Variants in ACCSL observed in about 807,000 individuals in gnomAD.
ACCSL encodes the protein 1-aminocyclopropane-1-carboxylate synthase homolog (inactive) like, also known as probable inactive 1-aminocyclopropane-1-carboxylate synthase-like protein 2.
ACCSL carries 55 observed loss-of-function variants against 61.7 expected under a neutral mutation model. The observed-to-expected ratio is 0.89, with a 90% confidence interval of 0.72 to 1.12. The LOEUF is 1.12. Among genes scored for constraint, ACCSL ranks in the 50% most tolerant of loss-of-function variants. The probability of loss-of-function intolerance (pLI) is 0.00; values close to 1 mark genes in which losing one functional copy is unlikely to be tolerated. For missense variants in ACCSL, 632 were observed against 698.0 expected (o/e 0.91, Z 1.07); for synonymous variants, 258 against 264.3 (o/e 0.98, Z 0.23).
At chr11:43,952,898 C>T in the ACCSL span, among the ~76,000 whole-genome samples, 38 of 152,296 alleles carry the variant, frequency 2.5e-4, no homozygotes, top group African/African-American at 7.0e-4. Context: ...CTCCCAGAAC[C>T]GGGTTGGCCA....
chr11:44,055,935 C>G (rs1952668150), intron 9 of ACCSL, 105 bp from the exon 10 acceptor site: 1 of 1,329,888 alleles, frequency 7.5e-7, no homozygotes, highest in Non-Finnish European at 1.1e-6. Flanking sequence ...CCCTATAGGC[C>G]CTTCTGTCTA....
the ACCSL span, among the ~76,000 whole-genome samples, chr11:43,950,318 C>T: frequency 2.0e-5 from 3 of 152,228 alleles, no homozygotes; most frequent in Non-Finnish European, 4.4e-5. Context: ...ACGGGCATGT[C>T]CTTAACCTTG....
At chr11:44,039,229 A>C in the ACCSL span, among the ~76,000 whole-genome samples, 2 of 152,116 alleles carry the variant, frequency 1.3e-5, no homozygotes, top group African/African-American at 4.8e-5. Context: ...TGCTTCCTTT[A>C]GGTGTGGAAT....
chr11:44,053,434 T>C lies in ACCSL; in HGVS notation c.977T>C (p.Ile326Thr), dbSNP rs1952652054. 6.2e-7 allele frequency: 1 copy of C among 1,614,082 alleles called. No individual in the cohort carries two copies. The highest frequency in any genetic ancestry group is 8.5e-7 in the Non-Finnish European group (1 of 1,180,046). Residue 326 changes from isoleucine (I) to threonine (T), a missense_variant, in exon 8 of 14, where the codon ATC becomes ACC. Ile to Thr is a moderately conservative substitution (Grantham distance 89). Transcript: ENST00000378832. ...AAAAAGGTCCGAGGCCTTGTGCTAA[T>C]CAACCCTCAGAATCCTCTGGGTGAC... ...EGKKVRGLVLINPQNPLGDIY... is the reference protein window; with the variant it reads ...EGKKVRGLVLTNPQNPLGDIY...
At chr11:43,957,790 T>C in the ACCSL span, among the ~76,000 whole-genome samples, 1 of 152,242 alleles carries the variant, frequency 6.6e-6, no homozygotes, top group African/African-American at 2.4e-5. Context: ...TGCTGGTCAG[T>C]TGTGCCTAAG....
chr11:44,034,267 G>A, the ACCSL span, among the ~76,000 whole-genome samples: 10 of 152,314 alleles, frequency 6.6e-5, no homozygotes, highest in East Asian at 1.9e-3. Context: ...CTGGGTCAGC[G>A]AGGCACAGGT....
chr11:43,928,600 G>A, the ACCSL span, among the ~76,000 whole-genome samples: 6 of 152,232 alleles, frequency 3.9e-5, no homozygotes, highest in East Asian at 1.9e-4. Flanking sequence ...AGTGGGGAGC[G>A]GAGGAGGTGG....
the ACCSL span, among the ~76,000 whole-genome samples, chr11:43,921,410 G>A: frequency 3.9e-5 from 6 of 152,282 alleles, no homozygotes; most frequent in East Asian, 3.9e-4. Flanking sequence ...GTTTCTCTAA[G>A]AAATATGAAA....
chr11:44,049,792 T>C (rs1377705552), intron 1 of ACCSL, among the ~76,000 whole-genome samples: 6 of 152,212 alleles, frequency 3.9e-5, no homozygotes, highest in African/African-American at 1.4e-4. Flanking sequence ...TTAAGACAAC[T>C]CACAAGAAGC....
At chr11:44,027,189 G>A in the ACCSL span, among the ~76,000 whole-genome samples, 3 of 152,182 alleles carry the variant, frequency 2.0e-5, no homozygotes, top group Admixed American at 6.5e-5. Flanking sequence ...ATTGGGGCAT[G>A]TCTTTAATGC....
At chr11:44,017,618 C>T in the ACCSL span, among the ~76,000 whole-genome samples, 2 of 152,182 alleles carry the variant, frequency 1.3e-5, no homozygotes, top group African/African-American at 4.8e-5. Context: ...TGCAGCCAGA[C>T]ATCAGGTTCA....
chr11:44,003,235 A>G, the ACCSL span, among the ~76,000 whole-genome samples: 1 of 152,244 alleles, frequency 6.6e-6, no homozygotes, highest in Admixed American at 6.5e-5. Context: ...CACCTCAGAG[A>G]GGACATGGTG....
At chr11:43,984,534 A>G in the ACCSL span, among the ~76,000 whole-genome samples, 1 of 152,348 alleles carries the variant, frequency 6.6e-6, no homozygotes, top group East Asian at 1.9e-4. Flanking sequence ...TATGCTTGAC[A>G]ATGACCTAGC....
the ACCSL span, among the ~76,000 whole-genome samples, chr11:44,005,529 G>A: frequency 6.6e-6 from 1 of 152,152 alleles, no homozygotes; most frequent in Non-Finnish European, 1.5e-5. Flanking sequence ...GAGGGAGGGA[G>A]TGCAGCTGAG....
chr11:44,058,779 A>C lies in ACCSL; in HGVS notation c.1624+80A>C, dbSNP rs981484247. ...CAATCTTCTCCCCCACCCCCCTTAA[A>C]CATCCTATAGATCTAGCCCTTTATT... is the stretch of plus-strand genomic sequence containing the variant. On this transcript the variant is annotated intron_variant, in intron 13 of 13. Transcript: ENST00000378832. 14 of 1,482,680 alleles carry C rather than the reference A, an allele frequency of 9.4e-6. No individual in the cohort carries two copies. In the African/African-American group the frequency reaches 1.7e-4, roughly 18 times the overall value. The allele number at this position is 1,482,680 out of a possible 1,614,324, so 91.8% of individuals were successfully genotyped here. A position where few individuals can be genotyped will look rare whatever the true frequency, so the allele number is the denominator to read the frequency against.
At chr11:44,020,149 C>T in the ACCSL span, among the ~76,000 whole-genome samples, 1 of 152,172 alleles carries the variant, frequency 6.6e-6, no homozygotes, top group Non-Finnish European at 1.5e-5. Flanking sequence ...GTCTTGATTA[C>T]TGTTGCTTTG....
chr11:43,949,744 G>A, the ACCSL span, among the ~76,000 whole-genome samples: 1 of 152,168 alleles, frequency 6.6e-6, no homozygotes, highest in African/African-American at 2.4e-5. Flanking sequence ...GAACCCCGAA[G>A]GTGGAGGTTG....
At chr11:44,011,388 T>C in the ACCSL span, among the ~76,000 whole-genome samples, 5 of 152,216 alleles carry the variant, frequency 3.3e-5, no homozygotes, top group Non-Finnish European at 5.9e-5. Context: ...TATAATGTCC[T>C]TAAGTGGAGG....
the ACCSL span, among the ~76,000 whole-genome samples, chr11:43,975,226 AG>A: frequency 9.9e-5 from 15 of 152,252 alleles, no homozygotes; most frequent in Admixed American, 7.2e-4. Context: ...TGTAGAGGCA[AG>A]AAGTTTATCA....
Sources: allele counts gnomAD v4.1 joint callset (sites outside exome capture counted in the v4.1 genomes callset), GRCh38; gene constraint gnomAD v4.1.1; transcripts MANE v1.5; gene names NCBI Gene and HGNC (gene_info 2026-07-23, HGNC 2026-07-21).